Variants in TTBK1 observed in about 807,000 individuals in gnomAD.
TTBK1 encodes the protein tau-tubulin kinase 1.
In TTBK1, 34 loss-of-function variants were observed where a neutral mutation model predicts 108.5. The ratio of observed to expected loss-of-function variants is 0.31; its 90% CI spans 0.24 to 0.42. The LOEUF (loss-of-function observed/expected upper bound fraction) is 0.42. Among genes scored for constraint, TTBK1 ranks in the 10% least tolerant of loss-of-function variants. The pLI, the probability that TTBK1 is intolerant of heterozygous loss-of-function variation, is 1.00. For synonymous variants in TTBK1, 809 were observed against 795.1 expected (o/e 1.02, Z -0.29); for missense variants, 1,539 against 1,826.0 (o/e 0.84, Z 2.86).
Position 43,254,568 on chromosome 6 carries a change from C to A in TTBK1, c.493C>A (p.Leu165Met). The change falls in exon 6 of 15, where the codon CTG (leucine) becomes ATG (methionine). Residue 165 changes from leucine to methionine, a missense_variant. Transcript: ENST00000259750. ...IKPSNFAMGR[L>M]PSTYRKCYML... ...CCAGTCAAACTTTGCCATGGGCAGG[C>A]TGCCCTCCACCTACAGGAAGTGCTA... 1 of 1,575,366 alleles carries A rather than the reference C, an allele frequency of 6.3e-7. No homozygotes were observed. Among genetic ancestry groups the A allele is most frequent in the Admixed American group, 1.9e-5 (1 of 52,770 alleles).
rs1246649039 is a variant in TTBK1, at chr6:43,284,330, G to A, written c.3572+18G>A. 2.6e-6 allele frequency: 4 copies of A among 1,522,494 alleles called. No homozygotes were observed. Among genetic ancestry groups the A allele is most frequent in the Non-Finnish European group, 3.5e-6 (4 of 1,139,704 alleles). The allele number at this position is 1,522,494 out of a possible 1,614,324, so 94.3% of individuals were successfully genotyped here. ...ACCAGCAGGTGAGAAACCGCTGCCA[G>A]CCCCAGGGTGGGCAGAGGGTGGCCA... On this transcript the variant is annotated intron_variant, in intron 14 of 14. Coordinates refer to ENST00000259750, the MANE Select transcript of TTBK1 (RefSeq NM_032538.3).
rs1777599392 is a variant in TTBK1 at position 43,263,394 on chromosome 6, G to C, written c.1986+44G>C. 2 of 1,441,274 alleles carry C rather than the reference G, an allele frequency of 1.4e-6. No homozygotes were observed. The highest frequency in any genetic ancestry group is 1.8e-6 in the Non-Finnish European group (2 of 1,092,266). 89.3% of individuals were successfully genotyped at this position (1,441,274 alleles called of 1,614,324 possible). A position where few individuals can be genotyped will look rare whatever the true frequency, so the allele number is the denominator to read the frequency against. On this transcript the variant is annotated intron_variant, in intron 13 of 14. Coordinates refer to ENST00000259750, the MANE Select transcript of TTBK1 (RefSeq NM_032538.3). This position sits in a 1 kb window ranked among gnomAD's most constrained non-coding sequence, Gnocchi z 4.7. ...CCCACTCCCCATCTCCAGATGCCCA[G>C]AGTCCTGGTGTGTAGGCCTGGGGTG...
At position 43,282,814 on chromosome 6, in the gene TTBK1, C is replaced by T. The variant is rs772632608; in HGVS notation, c.2074C>T (p.Leu692Phe). 3.1e-6 allele frequency: 5 copies of T among 1,614,042 alleles called. No individual in the cohort carries two copies. The Admixed American group carries it at 6.7e-5, about 22-fold the overall frequency. Residue 692 changes from leucine to phenylalanine, a missense_variant, in exon 14 of 15, where the codon CTC (leucine) becomes TTC (phenylalanine). Physicochemically the swap from Leu to Phe is conservative, Grantham distance 22. Around this residue, in one of 5 missense-constraint regions of TTBK1, gnomAD observed 1,055 missense variants for 1,086.5 expected, o/e 0.97. Transcript: ENST00000259750. The surrounding 1 kb of genome is among the most constrained non-coding windows in gnomAD (Gnocchi z 5.4). Reference sequence around the variant, plus strand: ...GCCCTACCAGGACTTCAAAAGAGACCTCTCCGATTACCGAGAACGGGCGCG... The same window carrying T: ...GCCCTACCAGGACTTCAAAAGAGACTTCTCCGATTACCGAGAACGGGCGCG... ...SLPYQDFKRD[L>F]SDYRERARLL... is the part of the protein sequence containing the mutation.
intron 6 of TTBK1, 40 bp downstream of exon 6, chr6:43,254,691 C>A (rs1478723634): frequency 6.7e-7 from 1 of 1,497,706 alleles, no homozygotes. Flanking sequence ...GGAGGACTCC[C>A]CCCTACTCCC....
chr6:43,284,488 C>G (rs7743125), intron 14 of TTBK1, among the ~76,000 whole-genome samples, 176 bp downstream of exon 14: 45,488 of 152,018 alleles, frequency 0.3, 8,085 homozygotes, highest in African/African-American at 0.5. Context: ...GGGTTCCAGC[C>G]CTGTCACTGG....
chr6:43,282,135 C>T lies in TTBK1; in HGVS notation c.1987-592C>T, dbSNP rs1298845294. ...CACTTTTAAGGGTAGAGGACAGCCC[C>T]GCCTTTGCCCTTGTCCAGCACAGGA... On this transcript the variant is annotated intron_variant, in intron 13 of 14. Transcript: ENST00000259750. The surrounding 1 kb of genome is among the most constrained non-coding windows in gnomAD (Gnocchi z 5.4). 6.6e-6 allele frequency among the ~76,000 whole-genome samples: 1 copy of T among 152,190 alleles called. No homozygotes were observed. The highest frequency in any genetic ancestry group is 1.9e-4 in the East Asian group (1 of 5,192).
At chr6:43,256,478 C>T (rs948297529) in intron 9 of TTBK1, among the ~76,000 whole-genome samples, 1 of 151,970 alleles carries the variant, frequency 6.6e-6, no homozygotes, top group African/African-American at 2.4e-5. Flanking sequence ...GTGGCTCACA[C>T]CTGTAATCCC....
At position 43,254,669 on chromosome 6, in the gene TTBK1, G is replaced by T. The variant is rs768647823; in HGVS notation, c.576+18G>T. Reference sequence around the variant, plus strand: ...TGCGGCCCGTGAGTACCGTCGGGGCGGGGAGGACAGTGGAGGACTCCCCCC... The same window carrying T: ...TGCGGCCCGTGAGTACCGTCGGGGCTGGGAGGACAGTGGAGGACTCCCCCC... On this transcript the variant is annotated intron_variant, in intron 6 of 14. Coordinates refer to ENST00000259750, the MANE Select transcript of TTBK1 (RefSeq NM_032538.3). 5.2e-6 allele frequency: 8 copies of T among 1,539,706 alleles called. No homozygotes were observed. Among genetic ancestry groups the T allele is most frequent in the Non-Finnish European group, 6.1e-6 (7 of 1,146,806 alleles).
rs760985939 is a variant in TTBK1, at chr6:43,284,179, G to C, written c.3439G>C (p.Gly1147Arg). 6 of 1,566,008 alleles carry C rather than the reference G, an allele frequency of 3.8e-6. No individual in the cohort carries two copies. The highest frequency in any genetic ancestry group is 1.1e-5 in the South Asian group (1 of 87,028). The change falls in exon 14 of 15, where the codon GGG becomes CGG. Residue 1147 changes from glycine (G) to arginine (R), a missense_variant. Transcript: ENST00000259750. ...GGCAGCGGCCTTGCCCAGGAAGAGC[G>C]GGAGGGCAGCCGCCACCAGGAGCCG... ...EPAAALPRKS[G>R]RAAATRSRIP...
chr6:43,283,820 TGTCCCCGCTGGA>T lies in TTBK1; in HGVS notation c.3082_3093del (p.Ser1028_Glu1031del). 1.2e-6 allele frequency: 2 copies of T among 1,612,130 alleles called. No individual in the cohort carries two copies. The highest frequency in any genetic ancestry group is 1.7e-6 in the Non-Finnish European group (2 of 1,179,182). On this transcript the variant is annotated inframe_deletion, in exon 14 of 15. Transcript: ENST00000259750. This position sits in a 1 kb window ranked among gnomAD's most constrained non-coding sequence, Gnocchi z 8.1. ...GCCCTTGCAGACGGGCCAGCCCCGGTGTCCCCGCTGGAGCCAAGCCCTGAGAAAGTGGCCACC... is the reference window on the plus strand; with the variant it reads ...GCCCTTGCAGACGGGCCAGCCCCGGTGCCAAGCCCTGAGAAAGTGGCCACC...
intron 9 of TTBK1, 103 bp downstream of exon 9, chr6:43,255,959 C>T: frequency 7.0e-7 from 1 of 1,433,048 alleles, no homozygotes; most frequent in Non-Finnish European, 9.7e-7. Flanking sequence ...CCTGCCTTGT[C>T]CCCAAGCCTC....
chr6:43,272,797 C>T (rs1263832351), intron 13 of TTBK1, among the ~76,000 whole-genome samples: 1 of 152,138 alleles, frequency 6.6e-6, no homozygotes, highest in Non-Finnish European at 1.5e-5. Flanking sequence ...ATGCTGTGAG[C>T]CTGCAATATT....
intron 13 of TTBK1, among the ~76,000 whole-genome samples, chr6:43,274,505 G>A (rs1562095427): frequency 6.6e-6 from 1 of 152,194 alleles, no homozygotes; most frequent in South Asian, 2.1e-4. Context: ...TGGGGAGGGT[G>A]TGGCTCTGAC....
chr6:43,246,781 C>G lies in TTBK1; in HGVS notation c.108+13C>G, dbSNP rs1199122641. ...TCGCTGGAAGGTGGTGAGTGAGTGA[C>G]CCGGCGGGACAGAGGGAGGGTAGCG... On this transcript the variant is annotated intron_variant, in intron 2 of 14. Coordinates refer to ENST00000259750, the MANE Select transcript of TTBK1 (RefSeq NM_032538.3). 8 of 1,599,130 alleles carry G rather than the reference C, an allele frequency of 5.0e-6. No individual in the cohort carries two copies. Among genetic ancestry groups the G allele is most frequent in the Middle Eastern group, 1.7e-4 (1 of 5,988 alleles).
At position 43,246,786 on chromosome 6, in the gene TTBK1, C is replaced by T. The variant is rs1314428663; in HGVS notation, c.108+18C>T. 2.5e-6 allele frequency: 4 copies of T among 1,593,744 alleles called. No individual in the cohort carries two copies. Among genetic ancestry groups the T allele is most frequent in the Admixed American group, 1.7e-5 (1 of 58,380 alleles). On this transcript the variant is annotated intron_variant, in intron 2 of 14. Transcript: ENST00000259750. ...GGAAGGTGGTGAGTGAGTGACCCGG[C>T]GGGACAGAGGGAGGGTAGCGGGGAG...
Position 43,282,698 on chromosome 6 carries a change from C to T in TTBK1, c.1987-29C>T. ...CTGGGCCCAGGAGGGTGGGTGACCT[C>T]AGAGGGTCCCTGTGTATGCCCCTTG... On this transcript the variant is annotated intron_variant, in intron 13 of 14. Transcript: ENST00000259750. The surrounding 1 kb of genome is among the most constrained non-coding windows in gnomAD (Gnocchi z 5.4). The T allele has an allele frequency of 3.8e-6, 6 of 1,560,014 alleles. No homozygotes were observed. The highest frequency in any genetic ancestry group is 1.4e-5 in the African/African-American group (1 of 72,626).
rs767983474 is a variant in TTBK1 at position 43,283,309 on chromosome 6, C to T, written c.2569C>T (p.Pro857Ser). Residue 857 changes from proline to serine, a missense_variant, in exon 14 of 15, where the codon CCC becomes TCC. Physicochemically the swap from Pro to Ser is moderately conservative, Grantham distance 74. Around this residue, in one of 5 missense-constraint regions of TTBK1, gnomAD observed 1,055 missense variants for 1,086.5 expected, o/e 0.97. Transcript: ENST00000259750. The surrounding 1 kb of genome is among the most constrained non-coding windows in gnomAD (Gnocchi z 8.1). The part of the protein sequence containing the change: ...SPVTAELAPD[P>S]DLGTLAALTP... ...CGTCACTGCCGAACTGGCCCCCGAC[C>T]CCGACCTGGGCACCCTGGCTGCCCT... 3 of 1,579,568 alleles carry T rather than the reference C, an allele frequency of 1.9e-6. No individual in the cohort carries two copies.
chr6:43,262,896 G>A lies in TTBK1; in HGVS notation c.1532G>A (p.Arg511His), dbSNP rs761667946. 6 of 1,613,554 alleles carry A rather than the reference G, an allele frequency of 3.7e-6. No homozygotes were observed. The highest frequency in any genetic ancestry group is 2.7e-5 in the African/African-American group (2 of 74,938). The change falls in exon 13 of 15, where the codon CGC becomes CAC. Residue 511 changes from arginine (R) to histidine (H), a missense_variant. Transcript: ENST00000259750. ...CACGCTGACCGACAGGCCAGTGGCC[G>A]CATGGACGTGTCAGCCTCTGTGGAG... ...TGHADRQASGRMDVSASVEQE... is the reference protein window; with the variant it reads ...TGHADRQASGHMDVSASVEQE...
intron 13 of TTBK1, chr6:43,270,289 G>C: frequency 3.6e-6 from 4 of 1,110,078 alleles, no homozygotes; most frequent in Non-Finnish European, 4.4e-6. Flanking sequence ...GTGTCAGGGA[G>C]ATGAGGCCTG....
Sources: gnomAD v4.1 joint callset for allele counts (sites outside exome capture counted in the v4.1 genomes callset) on GRCh38, gnomAD v4.1.1 for gene constraint, gnomAD v4.1.1 regional missense constraint, Gnocchi (gnomAD v3.1) non-coding constraint, MANE v1.5 for transcripts, NCBI Gene and HGNC (gene_info 2026-07-23, HGNC 2026-07-21) for gene names.